ATP13A4: variants seen among roughly 807,000 people sequenced by gnomAD.
ATP13A4 encodes the protein ATPase 13A4.
Under a neutral mutation model 142.5 loss-of-function variants are expected in ATP13A4, and 114 were observed. The observed-to-expected ratio is 0.80, with a 90% CI of 0.69 to 0.93. ATP13A4 has a LOEUF of 0.93. ATP13A4 is among the 40% of genes least tolerant of loss of function. ATP13A4 has a pLI of 0.00. For synonymous variants in ATP13A4, 488 were observed against 514.8 expected (o/e 0.95, Z 0.70); for missense variants, 1,392 against 1,454.0 (o/e 0.96, Z 0.69).
At chr3:193,550,996 A>G (rs755983174) in intron 1 of ATP13A4, among the ~76,000 whole-genome samples, 2 of 152,192 alleles carry the variant, frequency 1.3e-5, no homozygotes, top group Non-Finnish European at 2.9e-5. Context: ...ACATTCTCAT[A>G]CTCTCACTTT....
At chr3:193,577,419 T>C (rs61289905) in intron 2 of ATP13A4, among the ~76,000 whole-genome samples, 65,490 of 152,028 alleles carry the variant, frequency 0.43, 14,336 homozygotes, top group Non-Finnish European at 0.44. Flanking sequence ...CTTCTCTTTA[T>C]CTAAATCTCA....
chr3:193,542,634 T>C (rs576124198), intron 1 of ATP13A4, among the ~76,000 whole-genome samples: 45 of 152,212 alleles, frequency 3.0e-4, no homozygotes, highest in African/African-American at 1.1e-3. Flanking sequence ...AACAGACACA[T>C]ACACCAATGA....
intron 18 of ATP13A4, among the ~76,000 whole-genome samples, chr3:193,446,961 T>C (rs554211742): frequency 2.0e-5 from 3 of 152,330 alleles, no homozygotes; most frequent in East Asian, 3.9e-4. Context: ...ATGTCATTCA[T>C]GTGTCAGAGC....
chr3:193,408,271 C>T (rs1388239504), intron 28 of ATP13A4, among the ~76,000 whole-genome samples: 3 of 152,184 alleles, frequency 2.0e-5, no homozygotes, highest in Non-Finnish European at 4.4e-5. Context: ...TATACTTGTA[C>T]ATGGCTAAAA....
At chr3:193,471,399 C>T (rs1426180964) in intron 8 of ATP13A4, among the ~76,000 whole-genome samples, 1 of 151,868 alleles carries the variant, frequency 6.6e-6, no homozygotes, top group African/African-American at 2.4e-5. Context: ...CCCTATCTAT[C>T]TTCACCAAAA....
chr3:193,505,828 T>C (rs1053512806), intron 2 of ATP13A4, among the ~76,000 whole-genome samples: 1 of 152,206 alleles, frequency 6.6e-6, no homozygotes, highest in Non-Finnish European at 1.5e-5. Context: ...AGTTTTCATT[T>C]TGGGGTTGTC....
intron 3 of ATP13A4, among the ~76,000 whole-genome samples, chr3:193,494,372 C>T (rs767549242): frequency 6.6e-6 from 1 of 151,980 alleles, no homozygotes; most frequent in Non-Finnish European, 1.5e-5. Context: ...ATAGATTATA[C>T]ATTAGGTCAC....
chr3:193,419,878 G>C (rs192593487), intron 25 of ATP13A4, among the ~76,000 whole-genome samples: 2 of 150,232 alleles, frequency 1.3e-5, no homozygotes, highest in Admixed American at 1.4e-4. Context: ...AGTGATAGCT[G>C]TGCCATTTTG....
At chr3:193,561,727 A>G (rs1384230616) in intron 2 of ATP13A4, among the ~76,000 whole-genome samples, 1 of 152,148 alleles carries the variant, frequency 6.6e-6, no homozygotes. Flanking sequence ...CAGTCCATCA[A>G]CCCTGCCAAA....
intron 8 of ATP13A4, among the ~76,000 whole-genome samples, chr3:193,483,287 A>G (rs1401977107): frequency 6.6e-6 from 1 of 152,128 alleles, no homozygotes; most frequent in Non-Finnish European, 1.5e-5. Flanking sequence ...GGAGAGAAAA[A>G]AACTAGAAAC....
In ATP13A4 at chr3:193,536,048, T is replaced by C. The variant is rs891868113; in HGVS notation, c.60+18692A>G. Among the ~76,000 whole-genome samples the C allele has an allele frequency of 2.0e-4, 31 of 152,066 alleles. No individual in the cohort carries two copies. In the East Asian group the frequency reaches 5.4e-3, roughly 26 times the overall value. Reference sequence around the variant, plus strand: ...ATACAGTTCCACTGAAAAAAAAGTCTACCAAACATTGAAAGAAAAAATAAT... The same window carrying C: ...ATACAGTTCCACTGAAAAAAAAGTCCACCAAACATTGAAAGAAAAAATAAT... On this transcript the variant is annotated intron_variant, in intron 1 of 29. Coordinates refer to ENST00000342695, the MANE Select transcript of ATP13A4 (RefSeq NM_032279.4).
At chr3:193,504,268 G>T (rs531704708) in intron 2 of ATP13A4, among the ~76,000 whole-genome samples, 1 of 152,056 alleles carries the variant, frequency 6.6e-6, no homozygotes, top group Non-Finnish European at 1.5e-5. Context: ...CTAAGTCACC[G>T]ATCTGATGAT....
chr3:193,546,818 C>T (rs965968104), intron 1 of ATP13A4, among the ~76,000 whole-genome samples: 9 of 152,204 alleles, frequency 5.9e-5, no homozygotes, highest in Admixed American at 2.6e-4. Context: ...CACTTAACCT[C>T]CCTATGCCTA....
At chr3:193,501,513 G>A (rs113902730) in intron 3 of ATP13A4, among the ~76,000 whole-genome samples, 1,652 of 151,132 alleles carry the variant, frequency 0.011, 33 homozygotes, top group African/African-American at 0.039. Context: ...GCTTGAACCC[G>A]GGAGGTGGAG....
In ATP13A4 at chr3:193,438,723, G is replaced by A; in HGVS notation, c.2563-139C>T. The A allele has an allele frequency of 3.9e-6, 3 of 777,964 alleles. No individual in the cohort carries two copies. The South Asian group carries it at 4.5e-5, about 12-fold the overall frequency. 48.2% of individuals were successfully genotyped at this position (777,964 alleles called of 1,614,324 possible). A position where few individuals can be genotyped will look rare whatever the true frequency, so the allele number is the denominator to read the frequency against. ...TAACCAAGAGACTTAACCCTGCCTG[G>A]AACATGAGAAAAAGATGGCATTAGG... On this transcript the variant is annotated intron_variant, in intron 22 of 29. Transcript: ENST00000342695.
At chr3:193,497,233 A>G (rs1388849183) in intron 3 of ATP13A4, among the ~76,000 whole-genome samples, 1 of 152,154 alleles carries the variant, frequency 6.6e-6, no homozygotes, top group African/African-American at 2.4e-5. Flanking sequence ...CAACAAAACA[A>G]CTATTTGATA....
intron 27 of ATP13A4, 109 bp downstream of exon 27, chr3:193,412,069 A>C: frequency 1.1e-5 from 11 of 974,728 alleles, no homozygotes; most frequent in Non-Finnish European, 1.6e-5. Context: ...GTGGAAGTCA[A>C]GAGATGCTAG....
intron 1 of ATP13A4, among the ~76,000 whole-genome samples, chr3:193,589,801 T>C (rs1269101750): frequency 6.6e-6 from 1 of 152,146 alleles, no homozygotes; most frequent in African/African-American, 2.4e-5. Context: ...GACTCTGCCC[T>C]TCACTAGGGC....
chr3:193,564,876 A>G (rs1724097911), intron 2 of ATP13A4, among the ~76,000 whole-genome samples: 1 of 152,176 alleles, frequency 6.6e-6, no homozygotes, highest in Non-Finnish European at 1.5e-5. Flanking sequence ...CAGCGGCAAC[A>G]TTAGATTCTC....
Sources: gnomAD v4.1 joint callset for allele counts (sites outside exome capture counted in the v4.1 genomes callset) on GRCh38, gnomAD v4.1.1 for gene constraint, MANE v1.5 for transcripts, NCBI Gene and HGNC (gene_info 2026-07-23, HGNC 2026-07-21) for gene names.